C14orf180: variants seen among roughly 807,000 people sequenced by gnomAD.
The protein encoded by C14orf180 is chromosome 14 open reading frame 180, also known as nutritionally-regulated adipose and cardiac enriched protein homolog.
C14orf180 carries 13 observed loss-of-function variants against 13.9 expected under a neutral mutation model. The observed-to-expected ratio is 0.94, with a 90% CI of 0.61 to 1.49. The LOEUF (loss-of-function observed/expected upper bound fraction) is 1.49. C14orf180 is among the 40% of genes most tolerant of loss of function. C14orf180 has a pLI of 0.00. For synonymous variants in C14orf180, 113 were observed against 106.3 expected, an observed-to-expected ratio of 1.06 and a Z score of -0.39; for missense variants, 238 against 232.0, an observed-to-expected ratio of 1.03 and a Z score of -0.17.
rs1268566027 is a variant in C14orf180 at position 104,588,492 on chromosome 14, T to G, written c.278-86T>G. 2.1e-6 allele frequency: 3 copies of G among 1,437,354 alleles called. No homozygotes were observed. In the East Asian group the frequency reaches 7.3e-5, roughly 35 times the overall value. The allele number at this position is 1,437,354 out of a possible 1,614,324, so 89.0% of individuals were successfully genotyped here. ...GGCCATGGGCATGGACAGGGTGGAA[T>G]CTCCCCATCCCTTCCCCACCAGCCC... On this transcript the variant is annotated intron_variant, in intron 4 of 4. Coordinates refer to ENST00000557649, the MANE Select transcript of C14orf180 (RefSeq NM_001008404.3).
chr14:104,587,147 G>A (rs1272788659), intron 2 of C14orf180, among the ~76,000 whole-genome samples: 1 of 152,172 alleles, frequency 6.6e-6, no homozygotes, highest in Non-Finnish European at 1.5e-5. Flanking sequence ...CACAGACAAG[G>A]ATGCTGAGGT....
intron 3 of C14orf180, 41 bp downstream of exon 3, chr14:104,587,919 G>A (rs766366010): frequency 1.3e-6 from 2 of 1,576,996 alleles, no homozygotes; most frequent in Admixed American, 3.6e-5. Flanking sequence ...AGAGGGTGGA[G>A]TCAAGCAGAG....
In C14orf180 at chr14:104,589,640, GT is replaced by G. The variant is rs1473003831; in HGVS notation, c.*858del. The stretch of plus-strand genomic sequence containing the variant: ...CACCAGGGGCCTCTCCAGACCCTAC[GT>G]GGGGGGAGGGCTGAACAAAGCAGGG... On this transcript the variant is annotated 3_prime_UTR_variant, in exon 5 of 5. Coordinates refer to ENST00000557649, the MANE Select transcript of C14orf180 (RefSeq NM_001008404.3). The surrounding 1 kb of genome is among the most constrained non-coding windows in gnomAD (Gnocchi z 4.9). 1 of 152,636 alleles carries G rather than the reference GT, an allele frequency of 6.6e-6. No individual in the cohort carries two copies. The highest frequency in any genetic ancestry group is 1.5e-5 in the Non-Finnish European group (1 of 68,078). The allele number at this position is 152,636 out of a possible 1,614,324, so 9.5% of individuals were successfully genotyped here.
chr14:104,586,598 A>AG, intron 2 of C14orf180, 57 bp downstream of exon 2: 1 of 1,103,494 alleles, frequency 9.1e-7, no homozygotes, highest in Non-Finnish European at 1.2e-6. Flanking sequence ...TGGGGGCTGG[A>AG]GGGGGCAGGG....
At chr14:104,584,053 T>C (rs147724708) in intron 1 of C14orf180, among the ~76,000 whole-genome samples, 1 of 152,206 alleles carries the variant, frequency 6.6e-6, no homozygotes, top group South Asian at 2.1e-4. Context: ...ACACACACAC[T>C]GTTTTCCCAC....
intron 2 of C14orf180, 146 bp downstream of exon 2, chr14:104,586,687 C>G: frequency 6.8e-6 from 1 of 146,216 alleles, no homozygotes; most frequent in Non-Finnish European, 1.1e-5. Context: ...TCACTGAGGG[C>G]TGGGGGGAGC....
chr14:104,582,783 C>T (rs1216713111), intron 1 of C14orf180, among the ~76,000 whole-genome samples: 1 of 152,200 alleles, frequency 6.6e-6, no homozygotes, highest in Admixed American at 6.5e-5. Flanking sequence ...TCCCCAGCAG[C>T]GGGCCTAGCG....
intron 2 of C14orf180, 96 bp downstream of exon 2, chr14:104,586,637 A>C: frequency 2.7e-6 from 1 of 371,772 alleles, no homozygotes. Flanking sequence ...GCCATCCTCC[A>C]CCCCAGGAAT....
chr14:104,582,234 G>A (rs931233153), intron 1 of C14orf180, among the ~76,000 whole-genome samples: 4 of 152,180 alleles, frequency 2.6e-5, no homozygotes, highest in African/African-American at 9.7e-5. Context: ...CGGGGCAGGA[G>A]TGGGAGGGAG....
chr14:104,582,699 C>T (rs1886478776), intron 1 of C14orf180, among the ~76,000 whole-genome samples: 1 of 152,240 alleles, frequency 6.6e-6, no homozygotes, highest in Non-Finnish European at 1.5e-5. Context: ...CCCCCAGCCC[C>T]CCAGCACCAA....
chr14:104,588,081 TGGA>T (rs1344476977), intron 3 of C14orf180, among the ~76,000 whole-genome samples, 190 bp from the exon 4 acceptor site: 8 of 152,146 alleles, frequency 5.3e-5, no homozygotes, highest in Admixed American at 2.0e-4. Context: ...AAACAGCAAC[TGGA>T]GGAGAACATG....
chr14:104,584,957 A>T (rs1886569249), intron 1 of C14orf180, among the ~76,000 whole-genome samples: 1 of 152,016 alleles, frequency 6.6e-6, no homozygotes, highest in Non-Finnish European at 1.5e-5. Flanking sequence ...TGCAGTATCC[A>T]CCCAAACCAC....
rs1212662691 is a variant in C14orf180 at position 104,586,473 on chromosome 14, G to C, written c.43G>C (p.Glu15Gln). Residue 15 changes from glutamate to glutamine, a missense_variant, in exon 2 of 5, where the codon GAG becomes CAG. Physicochemically the swap from Glu to Gln is conservative, Grantham distance 29. Coordinates refer to ENST00000557649, the MANE Select transcript of C14orf180 (RefSeq NM_001008404.3). ...AGAVSPDSRPETRRQTRKNEE... is the reference protein window; with the variant it reads ...AGAVSPDSRPQTRRQTRKNEE... Reference sequence around the variant, plus strand: ...AGCCGTGAGCCCTGACTCCCGGCCAGAGACACGACGTCAGACCAGAAAGAA... The same window carrying C: ...AGCCGTGAGCCCTGACTCCCGGCCACAGACACGACGTCAGACCAGAAAGAA... 1 of 1,550,292 alleles carries C rather than the reference G, an allele frequency of 6.5e-7. No homozygotes were observed. Among genetic ancestry groups the C allele is most frequent in the African/African-American group, 1.4e-5 (1 of 73,254 alleles).
chr14:104,583,846 A>G (rs1026047827), intron 1 of C14orf180, among the ~76,000 whole-genome samples: 6 of 151,878 alleles, frequency 4.0e-5, no homozygotes, highest in African/African-American at 1.5e-4. Context: ...ACATGCATGG[A>G]CACACACACA....
chr14:104,588,202 G>T, intron 3 of C14orf180, 72 bp from the exon 4 acceptor site: 1 of 1,584,712 alleles, frequency 6.3e-7, no homozygotes, highest in Non-Finnish European at 8.7e-7. Context: ...GGTGCAGGGT[G>T]AGACGAGAGG....
chr14:104,580,987 G>A (rs1310174795), intron 1 of C14orf180, among the ~76,000 whole-genome samples: 3 of 152,204 alleles, frequency 2.0e-5, no homozygotes, highest in Non-Finnish European at 4.4e-5. Flanking sequence ...GCCTCAGGGG[G>A]CCACCAGGCA....
At chr14:104,581,937 C>G (rs1395169236) in intron 1 of C14orf180, among the ~76,000 whole-genome samples, 1 of 151,858 alleles carries the variant, frequency 6.6e-6, no homozygotes, top group African/African-American at 2.4e-5. Flanking sequence ...GAGTGTGGGG[C>G]CGCACGCTCA....
rs1886683282 is a variant in C14orf180, at chr14:104,587,814, G to A, written c.177G>A (p.Glu59=). Residue 59 remains glutamate, a synonymous_variant, in exon 3 of 5, where the codon GAG becomes GAA. Coordinates refer to ENST00000557649, the MANE Select transcript of C14orf180 (RefSeq NM_001008404.3). ...GCCGGCCGGAGCACCACCGCCCAGAGGCCAAGCCCCAGAGGACCTCGAGGC... is the reference window on the plus strand; with the variant it reads ...GCCGGCCGGAGCACCACCGCCCAGAAGCCAAGCCCCAGAGGACCTCGAGGC... ...KRSRPEHHRP[E]AKPQRTSRRV... 1 of 1,612,528 alleles carries A rather than the reference G, an allele frequency of 6.2e-7. No homozygotes were observed. Among genetic ancestry groups the A allele is most frequent in the Non-Finnish European group, 8.5e-7 (1 of 1,179,590 alleles).
Position 104,588,799 on chromosome 14 carries a change from GGA to G in C14orf180, c.*17_*18del. 1 of 1,533,006 alleles carries G rather than the reference GGA, an allele frequency of 6.5e-7. No individual in the cohort carries two copies. Among genetic ancestry groups the G allele is most frequent in the Non-Finnish European group, 8.7e-7 (1 of 1,145,348 alleles). The allele number at this position is 1,533,006 out of a possible 1,614,324, so 95.0% of individuals were successfully genotyped here. A position where few individuals can be genotyped will look rare whatever the true frequency, so the allele number is the denominator to read the frequency against. ...GCGGCTCTGACGGGCAGGACGGGCA[GGA>G]CGGGCAGGGCTTCCAGGAGAGCTCA... On this transcript the variant is annotated 3_prime_UTR_variant, in exon 5 of 5. Transcript: ENST00000557649.
Sources: allele counts gnomAD v4.1 joint callset (sites outside exome capture counted in the v4.1 genomes callset), GRCh38; gene constraint gnomAD v4.1.1; non-coding constraint Gnocchi (gnomAD v3.1); transcripts MANE v1.5; gene names NCBI Gene and HGNC (gene_info 2026-07-23, HGNC 2026-07-21).